The following KDM2B variants were observed in gnomAD, a reference collection of about 807,000 sequenced individuals.
KDM2B encodes lysine-specific demethylase 2B.
KDM2B carries 26 observed loss-of-function variants against 150.0 expected under a neutral mutation model. That is an observed-to-expected ratio of 0.17 (90% CI 0.13 to 0.24). The LOEUF is 0.24. KDM2B is among the 10% of genes least tolerant of loss of function. The pLI is 1.00. For synonymous variants in KDM2B, 734 were observed against 729.5 expected, an observed-to-expected ratio of 1.01 and a Z score of -0.10; for missense variants, 1,265 against 1,816.9, an observed-to-expected ratio of 0.70 and a Z score of 5.52.
intron 11 of KDM2B, among the ~76,000 whole-genome samples, chr12:121,499,948 C>CAA (rs111843838): frequency 0.016 from 2,457 of 148,950 alleles, 59 homozygotes; most frequent in African/African-American, 0.055. Flanking sequence ...GACTCTAACT[C>CAA]AAAAAAAAAT....
rs781967508 is a variant in KDM2B at position 121,444,286 on chromosome 12, AAG to A, written c.2191-16_2191-15del. 2.9e-5 allele frequency: 46 copies of A among 1,613,544 alleles called. No individual in the cohort carries two copies. The African/African-American group carries it at 4.7e-4, about 16-fold the overall frequency. On this transcript the variant is annotated splice_polypyrimidine_tract_variant and intron_variant, in intron 15 of 22. Transcript: ENST00000377071. The stretch of plus-strand genomic sequence containing the variant: ...GCCACGCTTTTGCTTGTAGGCCAAA[AAG>A]AGAGAATGAACAGACCAACTGTATA...
At chr12:121,563,788 T>C (rs1051853215) in intron 4 of KDM2B, among the ~76,000 whole-genome samples, 1 of 151,638 alleles carries the variant, frequency 6.6e-6, no homozygotes, top group Non-Finnish European at 1.5e-5. Flanking sequence ...TCTCAGCTAC[T>C]TGGGAGGCTG....
intron 4 of KDM2B, among the ~76,000 whole-genome samples, chr12:121,554,422 G>A (rs1186489061): frequency 1.7e-5 from 2 of 118,960 alleles, no homozygotes; most frequent in Middle Eastern, 4.7e-3. Context: ...TTTTTTTTTT[G>A]AGACAAAGTC....
rs116222241 is a variant in KDM2B at position 121,456,682 on chromosome 12, G to A, written c.1735-3338C>T. 8.2e-3 allele frequency among the ~76,000 whole-genome samples: 1,250 copies of A among 152,294 alleles called. 20 individuals are homozygous for A. Among genetic ancestry groups the A allele is most frequent in the African/African-American group, 0.028 (1,154 of 41,550 alleles). ...GGACAGTGTCTGGGCAAGTAAAAAC[G>A]TTGGGCCAATCCAGTCTGAGTCTCG... On this transcript the variant is annotated intron_variant, in intron 12 of 22. Coordinates refer to ENST00000377071, the MANE Select transcript of KDM2B (RefSeq NM_032590.5).
At chr12:121,547,827 G>A (rs1555311009) in intron 6 of KDM2B, among the ~76,000 whole-genome samples, 1 of 151,896 alleles carries the variant, frequency 6.6e-6, no homozygotes, top group African/African-American at 2.4e-5. Context: ...ATTTTTCGTA[G>A]AGACAGAGTT....
At chr12:121,489,048 T>C (rs1328975843) in intron 12 of KDM2B, among the ~76,000 whole-genome samples, 1 of 152,030 alleles carries the variant, frequency 6.6e-6, no homozygotes, top group Non-Finnish European at 1.5e-5. Context: ...CCTCAGGTGA[T>C]CCGCCCACCT....
At chr12:121,457,775 C>CAA (rs1878499801) in intron 12 of KDM2B, among the ~76,000 whole-genome samples, 1 of 142,528 alleles carries the variant, frequency 7.0e-6, no homozygotes, top group African/African-American at 2.6e-5. Context: ...CACACACACA[C>CAA]AAATATCTTG....
chr12:121,435,773 T>C (rs1297084723), intron 22 of KDM2B, among the ~76,000 whole-genome samples: 4 of 152,192 alleles, frequency 2.6e-5, no homozygotes, highest in African/African-American at 9.7e-5. Context: ...GGAGAGTCTT[T>C]CTGGCAATCC....
intron 12 of KDM2B, among the ~76,000 whole-genome samples, chr12:121,487,441 A>G (rs894995258): frequency 5.0e-4 from 76 of 151,984 alleles, no homozygotes; most frequent in African/African-American, 1.7e-3. Context: ...CCCCTCACCA[A>G]CCCTCCAAGG....
At chr12:121,574,257 A>C in intron 4 of KDM2B, 1 of 327,482 alleles carries the variant, frequency 3.1e-6, no homozygotes, top group Non-Finnish European at 5.8e-6. Context: ...CCACAAACAA[A>C]TGCAGAAGAG....
chr12:121,489,272 T>G (rs966249816), intron 12 of KDM2B, among the ~76,000 whole-genome samples: 2 of 151,548 alleles, frequency 1.3e-5, no homozygotes, highest in East Asian at 2.0e-4. Context: ...TTTATTTTAT[T>G]TATTTATTTA....
chr12:121,486,297 G>A (rs1555298907), intron 12 of KDM2B, among the ~76,000 whole-genome samples: 1 of 148,314 alleles, frequency 6.7e-6, no homozygotes, highest in African/African-American at 2.5e-5. Flanking sequence ...TTAGTAGACA[G>A]GGTTTCACCT....
intron 6 of KDM2B, among the ~76,000 whole-genome samples, chr12:121,546,379 C>CTTTTTTTTTTTT (rs371614406): frequency 2.2e-4 from 21 of 97,476 alleles, no homozygotes; most frequent in Admixed American, 4.2e-4. Flanking sequence ...TTTTTTTTGC[C>CTTTTTTTTTTTT]TTTTTTTTTT....
At chr12:121,538,324 G>A (rs1434416823) in intron 6 of KDM2B, among the ~76,000 whole-genome samples, 1 of 151,956 alleles carries the variant, frequency 6.6e-6, no homozygotes, top group Non-Finnish European at 1.5e-5. Context: ...CCTAAGATGT[G>A]CCCCTCCAGA....
rs1471860333 is a variant in KDM2B, at chr12:121,548,891, G to A, written c.669C>T (p.Tyr223=). ...GGCAGTCTTACTTTTTCACTTTCGG[G>A]TACTTCATCTCTGCAATGGCGTTCG... ...EATNAIAEMK[Y]PKVKKYCLMS... The change falls in exon 6 of 23, where the codon TAC becomes TAT. Residue 223 remains tyrosine, a synonymous_variant. Transcript: ENST00000377071. The A allele has an allele frequency of 2.5e-6, 4 of 1,613,856 alleles. No individual in the cohort carries two copies. The highest frequency in any genetic ancestry group is 2.7e-5 in the African/African-American group (2 of 75,032).
intron 22 of KDM2B, among the ~76,000 whole-genome samples, chr12:121,434,226 T>C (rs11837910): frequency 0.015 from 2,308 of 151,852 alleles, 57 homozygotes; most frequent in African/African-American, 0.053. Flanking sequence ...GATAGACATA[T>C]AGACCAATGG....
Position 121,521,755 on chromosome 12 carries a change from GC to G in KDM2B, c.932-656del, listed in dbSNP as rs1170208465. Among the ~76,000 whole-genome samples the G allele has an allele frequency of 2.6e-5, 4 of 152,152 alleles. No homozygotes were observed. The East Asian group carries it at 7.7e-4, about 29-fold the overall frequency. On this transcript the variant is annotated intron_variant, in intron 8 of 22. Transcript: ENST00000377071. This position sits in a 1 kb window ranked among gnomAD's most constrained non-coding sequence, Gnocchi z 4.9. ...CTGCAGCTTCTCACAGCTGGGAGCC[GC>G]AGTTTTTCATCTCTCCAAACTCCTA...
At position 121,524,589 on chromosome 12, in the gene KDM2B, T is replaced by C. The variant is rs1287494879; in HGVS notation, c.932-3489A>G. The stretch of plus-strand genomic sequence containing the variant: ...GCCGCCACTGCGTCCCTCCCCCAGC[T>C]CTGCTCACATCTGCTTCATTACCCA... On this transcript the variant is annotated intron_variant, in intron 8 of 22. Transcript: ENST00000377071. 8 of 297,074 alleles carry C rather than the reference T, an allele frequency of 2.7e-5. No homozygotes were observed. The Admixed American group carries it at 3.2e-4, about 12-fold the overall frequency. The allele number at this position is 297,074 out of a possible 1,614,324, so 18.4% of individuals were successfully genotyped here. A position where few individuals can be genotyped will look rare whatever the true frequency, so the allele number is the denominator to read the frequency against.
At chr12:121,420,200 A>G in the KDM2B span, 20 of 1,589,534 alleles carry the variant, frequency 1.3e-5, no homozygotes, top group Non-Finnish European at 1.6e-5. Flanking sequence ...TGATAAATAC[A>G]GATTGATTCC....
Sources: gnomAD v4.1 joint callset for allele counts (sites outside exome capture counted in the v4.1 genomes callset) on GRCh38, gnomAD v4.1.1 for gene constraint, Gnocchi (gnomAD v3.1) non-coding constraint, MANE v1.5 for transcripts, NCBI Gene and HGNC (gene_info 2026-07-23, HGNC 2026-07-21) for gene names.